Variants in C3orf33 observed in about 807,000 individuals in gnomAD.
The protein encoded by C3orf33 is mitochondrial inner membrane subdomain organizer 1.
C3orf33 carries 23 observed loss-of-function variants against 28.7 expected under a neutral mutation model. The ratio of observed to expected loss-of-function variants is 0.80; its 90% CI spans 0.58 to 1.13. The LOEUF is 1.13. Ranked by LOEUF, C3orf33 falls within the 50% of genes most tolerant of loss-of-function variation. C3orf33 has a pLI of 0.00. For synonymous variants in C3orf33, 119 were observed against 120.5 expected (o/e 0.99, Z 0.08); for missense variants, 327 against 353.4 (o/e 0.93, Z 0.60).
chr3:155,797,593 A>G (rs1444429842), intron 2 of C3orf33, among the ~76,000 whole-genome samples: 1 of 152,256 alleles, frequency 6.6e-6, no homozygotes, highest in Non-Finnish European at 1.5e-5. Flanking sequence ...GAACTGATAA[A>G]TAAATTCAGT....
At chr3:155,781,161 C>T in intron 2 of C3orf33, among the ~76,000 whole-genome samples, 1 of 150,928 alleles carries the variant, frequency 6.6e-6, no homozygotes. Flanking sequence ...CCGCGCCCGG[C>T]TAATTTTTTT....
At chr3:155,798,179 G>A (rs1300269966) in intron 2 of C3orf33, among the ~76,000 whole-genome samples, 1 of 151,898 alleles carries the variant, frequency 6.6e-6, no homozygotes, top group African/African-American at 2.4e-5. Context: ...AATCAATATT[G>A]TTAACATGCC....
intron 4 of C3orf33, among the ~76,000 whole-genome samples, chr3:155,766,131 C>T (rs544346597): frequency 2.6e-5 from 4 of 152,106 alleles, no homozygotes; most frequent in South Asian, 2.1e-4. Flanking sequence ...TAGGCTGAAG[C>T]GTTCCTCCCA....
intron 2 of C3orf33, among the ~76,000 whole-genome samples, chr3:155,780,442 C>T (rs767084461): frequency 6.6e-6 from 1 of 152,148 alleles, no homozygotes; most frequent in Non-Finnish European, 1.5e-5. Context: ...TAAAAATCAA[C>T]CTTGATCAAA....
At chr3:155,780,239 T>C (rs1750877851) in intron 2 of C3orf33, among the ~76,000 whole-genome samples, 1 of 152,166 alleles carries the variant, frequency 6.6e-6, no homozygotes, top group South Asian at 2.1e-4. Context: ...ACAAGGATGC[T>C]GTGTCTAAGC....
At chr3:155,775,637 A>C (rs763015057) in intron 3 of C3orf33, 64 bp downstream of exon 3, 2 of 1,158,480 alleles carry the variant, frequency 1.7e-6, no homozygotes, top group Non-Finnish European at 2.4e-6. Context: ...TTGCTATTTT[A>C]TAAATAACTT....
intron 1 of C3orf33, chr3:155,804,183 A>C (rs1445592424): frequency 4.6e-6 from 2 of 431,822 alleles, no homozygotes; most frequent in East Asian, 1.6e-4. Context: ...TCTAAAAAAA[A>C]AGAAAAAGGA....
intron 4 of C3orf33, among the ~76,000 whole-genome samples, chr3:155,765,319 A>C (rs1403170045): frequency 3.3e-5 from 5 of 152,238 alleles, no homozygotes; most frequent in African/African-American, 1.2e-4. Flanking sequence ...CAACCTGTAG[A>C]GTGGTTCTGA....
intron 2 of C3orf33, among the ~76,000 whole-genome samples, chr3:155,778,504 T>G (rs1175299214): frequency 6.6e-6 from 1 of 152,184 alleles, no homozygotes; most frequent in African/African-American, 2.4e-5. Flanking sequence ...TAACAACTGG[T>G]GAATCTAGGT....
intron 3 of C3orf33, among the ~76,000 whole-genome samples, chr3:155,768,872 G>C (rs1750490928): frequency 6.6e-6 from 1 of 152,036 alleles, no homozygotes; most frequent in African/African-American, 2.4e-5. Context: ...TACAGGGCAA[G>C]AACTTATCTC....
chr3:155,804,469 A>G (rs1163740632), intron 1 of C3orf33, among the ~76,000 whole-genome samples: 1 of 152,248 alleles, frequency 6.6e-6, no homozygotes, highest in Non-Finnish European at 1.5e-5. Flanking sequence ...TGGGGCTACA[A>G]TGATGAGTGA....
chr3:155,797,792 T>C (rs7617528), intron 2 of C3orf33, among the ~76,000 whole-genome samples: 51,073 of 152,118 alleles, frequency 0.34, 9,922 homozygotes, highest in Non-Finnish European at 0.42. Context: ...ATACACTGGC[T>C]GGGCACAGTG....
chr3:155,780,992 C>CTT (rs746458091), intron 2 of C3orf33, among the ~76,000 whole-genome samples: 24 of 141,162 alleles, frequency 1.7e-4, no homozygotes, highest in South Asian at 4.5e-4. Flanking sequence ...CTCTAGACTT[C>CTT]TTTTTTTTTT....
At chr3:155,800,729 C>CAACAAAAA (rs1381341931) in intron 2 of C3orf33, among the ~76,000 whole-genome samples, 1 of 135,986 alleles carries the variant, frequency 7.4e-6, no homozygotes, top group African/African-American at 2.7e-5. Flanking sequence ...TAAAATTCAA[C>CAACAAAAA]AACAAAAAAA....
intron 1 of C3orf33, chr3:155,805,645 C>T (rs1378480543): frequency 1.1e-5 from 5 of 454,254 alleles, no homozygotes; most frequent in Non-Finnish European, 2.2e-5. Context: ...TCTTTTCGGC[C>T]GAAGTGGGTG....
At chr3:155,783,714 G>A (rs1046702195) in intron 2 of C3orf33, among the ~76,000 whole-genome samples, 10 of 152,054 alleles carry the variant, frequency 6.6e-5, no homozygotes, top group African/African-American at 1.9e-4. Flanking sequence ...CAATCTGCCC[G>A]CTTTGGCCTC....
At chr3:155,800,517 T>A (rs1751610121) in intron 2 of C3orf33, among the ~76,000 whole-genome samples, 1 of 143,082 alleles carries the variant, frequency 7.0e-6, no homozygotes, top group East Asian at 2.1e-4. Context: ...GGCATGAGGA[T>A]GAGGATCACT....
chr3:155,768,106 C>T (rs993523182), intron 3 of C3orf33, among the ~76,000 whole-genome samples: 1 of 152,186 alleles, frequency 6.6e-6, no homozygotes, highest in Non-Finnish European at 1.5e-5. Context: ...TCTCGAACCC[C>T]TAGCCTCAAG....
chr3:155,801,255 G>A (rs1279622418), intron 2 of C3orf33, among the ~76,000 whole-genome samples: 2 of 148,864 alleles, frequency 1.3e-5, no homozygotes, highest in African/African-American at 5.0e-5. Context: ...AAGTTACAGT[G>A]AGCCAAGATC....
Sources: allele counts gnomAD v4.1 joint callset (sites outside exome capture counted in the v4.1 genomes callset), GRCh38; gene constraint gnomAD v4.1.1; transcripts MANE v1.5; gene names NCBI Gene and HGNC (gene_info 2026-07-23, HGNC 2026-07-21).